PTPRS: variants seen among roughly 807,000 people sequenced by gnomAD.
PTPRS encodes the protein receptor-type tyrosine-protein phosphatase S.
A neutral mutation model predicts 215.3 loss-of-function variants in PTPRS; 63 were observed. That is an observed-to-expected ratio of 0.29 (90% CI 0.24 to 0.36). PTPRS has a LOEUF of 0.36. Among genes scored for constraint, PTPRS ranks in the 10% least tolerant of loss-of-function variants. PTPRS has a pLI of 1.00. For synonymous variants in PTPRS, 1,404 were observed against 1,191.4 expected (o/e 1.18, Z -3.68); for missense variants, 2,258 against 2,825.8 (o/e 0.80, Z 4.56).
intron 36 of PTPRS, 25 bp downstream of exon 36, chr19:5,208,212 A>G (rs2040546155): frequency 6.4e-7 from 1 of 1,569,706 alleles, no homozygotes; most frequent in African/African-American, 1.3e-5. Flanking sequence ...CAGGGCCAAA[A>G]GCTGGGACAC....
Position 5,220,264 on chromosome 19 carries a change from T to G in PTPRS, c.3545A>C (p.Glu1182Ala). The change falls in exon 21 of 38, where the codon GAA becomes GCA. Residue 1182 changes from glutamate to alanine, a missense_variant. By Grantham distance (107) the Glu-to-Ala change is moderately radical (BLOSUM62 -1). This residue lies in a region of PTPRS where 927 missense variants were observed against 1,125.9 expected (regional missense o/e 0.82). Coordinates refer to ENST00000262963, the MANE Select transcript of PTPRS (RefSeq NM_002850.4). ...PLGSPEDMDL[E>A]ELIQDISRLQ... Reference sequence around the variant, plus strand: ...GGTTGGGCCCCAGGCCCTCACCTCTTCCAGATCCATGTCCTCTGGGCTACC... The same window carrying G: ...GGTTGGGCCCCAGGCCCTCACCTCTGCCAGATCCATGTCCTCTGGGCTACC... 1 of 1,613,884 alleles carries G rather than the reference T, an allele frequency of 6.2e-7. No individual in the cohort carries two copies. The highest frequency in any genetic ancestry group is 8.5e-7 in the Non-Finnish European group (1 of 1,179,854).
intron 19 of PTPRS, among the ~76,000 whole-genome samples, chr19:5,221,744 C>A (rs2145362844): frequency 6.6e-6 from 1 of 152,174 alleles, no homozygotes; most frequent in African/African-American, 2.4e-5. Flanking sequence ...AGGCTAAGTA[C>A]CAACTCTGAG....
chr19:5,317,455 G>C (rs2049908235), intron 1 of PTPRS, among the ~76,000 whole-genome samples: 1 of 152,228 alleles, frequency 6.6e-6, no homozygotes. Flanking sequence ...CTGGGAGACA[G>C]AGCAAGACTG....
chr19:5,329,217 C>A (rs953662626), intron 1 of PTPRS, among the ~76,000 whole-genome samples: 2 of 151,868 alleles, frequency 1.3e-5, no homozygotes, highest in African/African-American at 2.4e-5. Context: ...TGGAGTGGAA[C>A]GGACAAAGGG....
chr19:5,218,004 T>G (rs1406260099), intron 25 of PTPRS, among the ~76,000 whole-genome samples: 1 of 152,072 alleles, frequency 6.6e-6, no homozygotes, highest in Non-Finnish European at 1.5e-5. Flanking sequence ...GCTAGGGATA[T>G]ATCCCAAGGG....
At chr19:5,291,013 G>C in intron 1 of PTPRS, among the ~76,000 whole-genome samples, 1 of 152,128 alleles carries the variant, frequency 6.6e-6, no homozygotes, top group South Asian at 2.1e-4. Context: ...GTCCCTCCCA[G>C]GGCGCCATTA....
At position 5,274,350 on chromosome 19, in the gene PTPRS, G is replaced by A; in HGVS notation, c.92-6C>T. 1 of 1,599,490 alleles carries A rather than the reference G, an allele frequency of 6.3e-7. No homozygotes were observed. Among genetic ancestry groups the A allele is most frequent in the South Asian group, 1.1e-5 (1 of 90,718 alleles). On this transcript the variant is annotated splice_polypyrimidine_tract_variant and splice_region_variant and intron_variant, in intron 2 of 37. Coordinates refer to ENST00000262963, the MANE Select transcript of PTPRS (RefSeq NM_002850.4). ...TTTGATAAACCTGGGGGGCTCTGGG[G>A]ATACAGTGGAAAGAAGGGGGGGCGC... is the stretch of plus-strand genomic sequence containing the variant.
Position 5,214,878 on chromosome 19 carries a change from T to A in PTPRS, c.4319-142A>T, listed in dbSNP as rs1280995843. ...ACCATGGGACGTGTACTTCACAGTT[T>A]CTCCCCCTCAGCGCCATCACCATTT... On this transcript the variant is annotated intron_variant, in intron 28 of 37. Transcript: ENST00000262963. 12 of 921,966 alleles carry A rather than the reference T, an allele frequency of 1.3e-5. No individual in the cohort carries two copies. In the East Asian group the frequency reaches 3.2e-4, roughly 25 times the overall value. 57.1% of individuals were successfully genotyped at this position (921,966 alleles called of 1,614,324 possible).
intron 1 of PTPRS, among the ~76,000 whole-genome samples, chr19:5,340,178 G>A (rs1325617736): frequency 6.6e-6 from 1 of 150,808 alleles, no homozygotes; most frequent in Non-Finnish European, 1.5e-5. Context: ...CGGGGCGCCC[G>A]CATGCCCCCC....
At chr19:5,331,127 TTAA>T (rs1427866888) in intron 1 of PTPRS, among the ~76,000 whole-genome samples, 5 of 80,700 alleles carry the variant, frequency 6.2e-5, no homozygotes, top group African/African-American at 2.4e-4. Flanking sequence ...GCTTCTTTTT[TTAA>T]AAAAAAAAAA....
chr19:5,299,974 C>T lies in PTPRS; in HGVS notation c.-94-13740G>A, dbSNP rs2049253097. Reference sequence around the variant, plus strand: ...AAATTAAATAGGCCGGGTGCCATGGCTCCCACCTGTAATCCCAGCATTTTG... The same window carrying T: ...AAATTAAATAGGCCGGGTGCCATGGTTCCCACCTGTAATCCCAGCATTTTG... On this transcript the variant is annotated intron_variant, in intron 1 of 37. Transcript: ENST00000262963. 2.0e-5 allele frequency among the ~76,000 whole-genome samples: 3 copies of T among 152,078 alleles called. No homozygotes were observed. The South Asian group carries it at 6.2e-4, about 31-fold the overall frequency.
intron 4 of PTPRS, among the ~76,000 whole-genome samples, chr19:5,272,595 CA>C (rs10527451): frequency 5.7e-4 from 42 of 73,418 alleles, no homozygotes; most frequent in Non-Finnish European, 8.2e-4. Context: ...AAGACTGTCT[CA>C]AAAAAAAAAA....
At chr19:5,240,779 C>A (rs1186857303) in intron 11 of PTPRS, among the ~76,000 whole-genome samples, 1 of 150,766 alleles carries the variant, frequency 6.6e-6, no homozygotes, top group Non-Finnish European at 1.5e-5. Context: ...GCGGAGCTTG[C>A]AGTCAGCGGA....
intron 1 of PTPRS, among the ~76,000 whole-genome samples, chr19:5,300,927 C>G (rs2049284765): frequency 6.6e-6 from 1 of 152,206 alleles, no homozygotes; most frequent in Non-Finnish European, 1.5e-5. Context: ...CAGAGGTCAG[C>G]AGGTGCCATC....
intron 25 of PTPRS, among the ~76,000 whole-genome samples, chr19:5,217,874 T>G (rs1319991240): frequency 6.6e-6 from 1 of 152,174 alleles, no homozygotes; most frequent in Non-Finnish European, 1.5e-5. Context: ...AAGGCCTTGA[T>G]TCAGTTCTCC....
chr19:5,213,906 C>CATATGT (rs1206913252), intron 30 of PTPRS, among the ~76,000 whole-genome samples: 72 of 152,194 alleles, frequency 4.7e-4, no homozygotes, highest in Non-Finnish European at 1.5e-4. Context: ...GGACAGCAGC[C>CATATGT]ATCAGTTAAA....
chr19:5,234,032 GCTAC>G (rs1599569055), intron 13 of PTPRS, among the ~76,000 whole-genome samples: 1 of 137,868 alleles, frequency 7.3e-6, no homozygotes, highest in East Asian at 2.5e-4. Context: ...CCAATTATTA[GCTAC>G]CTACCATGTG....
chr19:5,271,432 T>C (rs2046900370), intron 4 of PTPRS, among the ~76,000 whole-genome samples: 1 of 149,326 alleles, frequency 6.7e-6, no homozygotes, highest in Admixed American at 6.8e-5. Flanking sequence ...AGTCTTGCCC[T>C]GGTCGCCCAG....
rs147125587 is a variant in PTPRS, at chr19:5,272,590, T to A, written c.379+852A>T. On this transcript the variant is annotated intron_variant, in intron 4 of 37. Transcript: ENST00000262963. Reference sequence around the variant, plus strand: ...TCTGGCCAGCGCAACAAAGCAAGACTGTCTCAAAAAAAAAAAAAAAAAAAA... The same window carrying A: ...TCTGGCCAGCGCAACAAAGCAAGACAGTCTCAAAAAAAAAAAAAAAAAAAA... Among the ~76,000 whole-genome samples, 465 of 69,180 alleles carry A rather than the reference T, an allele frequency of 6.7e-3. 4 individuals are homozygous for A. The highest frequency in any genetic ancestry group is 0.024 in the African/African-American group (442 of 18,796). 45.4% of individuals were successfully genotyped at this position (69,180 alleles called of 152,430 possible). A position where few individuals can be genotyped will look rare whatever the true frequency, so the allele number is the denominator to read the frequency against.
Sources: allele counts gnomAD v4.1 joint callset (sites outside exome capture counted in the v4.1 genomes callset), GRCh38; gene constraint gnomAD v4.1.1; regional missense constraint gnomAD v4.1.1; transcripts MANE v1.5; gene names NCBI Gene and HGNC (gene_info 2026-07-23, HGNC 2026-07-21).